Variants in PTPRT observed in about 807,000 individuals in gnomAD.
PTPRT encodes the protein protein tyrosine phosphatase receptor type T.
PTPRT carries 56 observed loss-of-function variants against 176.8 expected under a neutral mutation model. That is an observed-to-expected ratio of 0.32 (90% CI 0.26 to 0.40). PTPRT has a LOEUF of 0.40. PTPRT is among the 10% of genes least tolerant of loss of function. The probability of loss-of-function intolerance (pLI) is 1.00; values close to 1 mark genes in which losing one functional copy is unlikely to be tolerated. For synonymous variants in PTPRT, 783 were observed against 739.0 expected (o/e 1.06, Z -0.96); for missense variants, 1,540 against 1,908.2 (o/e 0.81, Z 3.60).
chr20:42,266,205 G>T (rs1311164348), intron 13 of PTPRT, among the ~76,000 whole-genome samples: 1 of 152,184 alleles, frequency 6.6e-6, no homozygotes, highest in Non-Finnish European at 1.5e-5. Context: ...ATTGGCTCAA[G>T]GTCCCCAGTT....
rs191530886 is a variant in PTPRT at position 43,057,015 on chromosome 20, G to C, written c.88+132631C>G. 1.8e-3 allele frequency among the ~76,000 whole-genome samples: 268 copies of C among 152,020 alleles called. 1 individual carries two copies. The highest frequency in any genetic ancestry group is 2.6e-3 in the Non-Finnish European group (178 of 67,984). On this transcript the variant is annotated intron_variant, in intron 1 of 30. Transcript: ENST00000373187. ...CAGGGCATTGTGCTGAGGGAAAAAA[G>C]GCCAATCTCAAGGGCCTTTCTACTG...
At position 42,843,912 on chromosome 20, in the gene PTPRT, C is replaced by T. The variant is rs146596921; in HGVS notation, c.214+41895G>A. ...ACCAGCCAGGAAAAAATAATGCATG[C>T]GAGTGTGTTGCATGGAAAATCTCAG... On this transcript the variant is annotated intron_variant, in intron 2 of 30. Transcript: ENST00000373187. Among the ~76,000 whole-genome samples, 31 of 152,252 alleles carry T rather than the reference C, an allele frequency of 2.0e-4. No individual in the cohort carries two copies. The East Asian group carries it at 2.9e-3, about 14-fold the overall frequency.
chr20:43,134,363 A>G (rs1463865928), intron 1 of PTPRT, among the ~76,000 whole-genome samples: 1 of 152,226 alleles, frequency 6.6e-6, no homozygotes, highest in Non-Finnish European at 1.5e-5. Flanking sequence ...AGGTCAGTTT[A>G]GCAAGAACTT....
intron 16 of PTPRT, among the ~76,000 whole-genome samples, chr20:42,171,352 G>C (rs1990072465): frequency 6.6e-6 from 1 of 152,164 alleles, no homozygotes; most frequent in Admixed American, 6.5e-5. Context: ...TGAACTATAA[G>C]AGGTAATGCT....
intron 9 of PTPRT, among the ~76,000 whole-genome samples, chr20:42,387,710 C>T (rs911922231): frequency 6.6e-6 from 1 of 151,858 alleles, no homozygotes; most frequent in Admixed American, 6.5e-5. Context: ...TTGAATATAC[C>T]TACAGACAAT....
chr20:43,078,664 T>TA (rs1408963364), intron 1 of PTPRT, among the ~76,000 whole-genome samples: 1 of 152,180 alleles, frequency 6.6e-6, no homozygotes, highest in Non-Finnish European at 1.5e-5. Flanking sequence ...GCTTTCCACT[T>TA]AGAGATGATA....
intron 6 of PTPRT, among the ~76,000 whole-genome samples, chr20:42,740,250 A>T (rs2076588382): frequency 6.6e-6 from 1 of 152,126 alleles, no homozygotes; most frequent in African/African-American, 2.4e-5. Flanking sequence ...CAAAACAGAA[A>T]ATGACAAAGG....
intron 17 of PTPRT, among the ~76,000 whole-genome samples, chr20:42,145,776 T>C (rs1988843249): frequency 6.6e-6 from 1 of 152,186 alleles, no homozygotes; most frequent in Non-Finnish European, 1.5e-5. Flanking sequence ...ATTCGGGTAA[T>C]AAAGTGCCTT....
chr20:42,892,388 G>T (rs956852777), intron 1 of PTPRT, among the ~76,000 whole-genome samples: 1 of 151,904 alleles, frequency 6.6e-6, no homozygotes, highest in Non-Finnish European at 1.5e-5. Flanking sequence ...CTCCAACCCA[G>T]CATTCTTTTG....
rs777160048 is a variant in PTPRT at position 42,110,392 on chromosome 20, G to A, written c.3195C>T (p.Phe1065=). The A allele has an allele frequency of 2.5e-6, 4 of 1,612,628 alleles. No individual in the cohort carries two copies. Among genetic ancestry groups the A allele is most frequent in the South Asian group, 2.2e-5 (2 of 90,938 alleles). The part of the protein sequence containing the change: ...VPCYATGLLG[F]VRQVKFLNPP... ...GGTTGAGGAACTTGACCTGGCGGAC[G>A]AAGCCCAGAAGGCCAGTGGCATAGC... is the stretch of plus-strand genomic sequence containing the variant. Residue 1065 remains phenylalanine (F), a synonymous_variant, in exon 23 of 31, where the codon TTC becomes TTT. Coordinates refer to ENST00000373187, the MANE Select transcript of PTPRT (RefSeq NM_007050.6).
chr20:42,321,776 G>T (rs2057800940), intron 11 of PTPRT, among the ~76,000 whole-genome samples: 1 of 152,088 alleles, frequency 6.6e-6, no homozygotes, highest in Non-Finnish European at 1.5e-5. Context: ...TTTTTCAATA[G>T]GTATTTCTTA....
chr20:42,462,443 T>C (rs1223414776), intron 8 of PTPRT, among the ~76,000 whole-genome samples: 1 of 151,958 alleles, frequency 6.6e-6, no homozygotes, highest in Non-Finnish European at 1.5e-5. Context: ...TAGCTGGAAA[T>C]GAGAATGAGG....
intron 7 of PTPRT, among the ~76,000 whole-genome samples, chr20:42,671,128 T>C (rs567152930): frequency 6.6e-6 from 1 of 152,260 alleles, no homozygotes; most frequent in South Asian, 2.1e-4. Context: ...CTCACCTGCT[T>C]TCTCCAGTTA....
In PTPRT at chr20:42,677,981, C is replaced by T. The variant is rs371562091; in HGVS notation, c.1038G>A (p.Lys346=). ...CAACATCGGGGTCCAGATGCCACAG[C>T]TTATAGTTGGGAGAGTCGACTATGT... is the stretch of plus-strand genomic sequence containing the variant. ...ETHIVDSPNY[K]LWHLDPDVEY... Residue 346 remains lysine, a synonymous_variant, in exon 7 of 31, where the codon AAG becomes AAA. Transcript: ENST00000373187. 2.2e-5 allele frequency: 36 copies of T among 1,614,220 alleles called. No homozygotes were observed. The East Asian group carries it at 4.0e-4, about 18-fold the overall frequency.
chr20:42,784,379 A>G (rs1299449570), intron 3 of PTPRT, among the ~76,000 whole-genome samples: 1 of 152,236 alleles, frequency 6.6e-6, no homozygotes, highest in Non-Finnish European at 1.5e-5. Flanking sequence ...ATGTTGGCAC[A>G]TCAGAACTCC....
chr20:42,368,481 G>C (rs1431452470), intron 9 of PTPRT, among the ~76,000 whole-genome samples: 2 of 152,096 alleles, frequency 1.3e-5, no homozygotes, highest in Non-Finnish European at 2.9e-5. Context: ...GAGCGTAGCA[G>C]GCTTTCAGAG....
chr20:42,748,668 T>C (rs2076725640), intron 6 of PTPRT, among the ~76,000 whole-genome samples: 1 of 152,038 alleles, frequency 6.6e-6, no homozygotes, highest in Non-Finnish European at 1.5e-5. Flanking sequence ...CTGCCAACTG[T>C]CAAATAGCTA....
intron 13 of PTPRT, among the ~76,000 whole-genome samples, chr20:42,278,116 T>C (rs1222950057): frequency 1.1e-5 from 1 of 91,162 alleles, no homozygotes; most frequent in Admixed American, 1.2e-4. Context: ...TATATATATA[T>C]ATATATATAT....
At chr20:42,343,135 G>T (rs1171145871) in intron 11 of PTPRT, among the ~76,000 whole-genome samples, 1 of 152,082 alleles carries the variant, frequency 6.6e-6, no homozygotes, top group African/African-American at 2.4e-5. Context: ...CCTTGTAAAA[G>T]GTCCCTTAGA....
Sources: gnomAD v4.1 joint callset for allele counts (sites outside exome capture counted in the v4.1 genomes callset) on GRCh38, gnomAD v4.1.1 for gene constraint, MANE v1.5 for transcripts, NCBI Gene and HGNC (gene_info 2026-07-23, HGNC 2026-07-21) for gene names.